Variants in KAZN observed in about 807,000 individuals in gnomAD.
KAZN encodes the protein kazrin.
Under a neutral mutation model 87.4 loss-of-function variants are expected in KAZN, and 40 were observed. The observed-to-expected ratio is 0.46, with a 90% CI of 0.36 to 0.60. KAZN has a LOEUF of 0.60. Among genes scored for constraint, KAZN ranks in the 20% least tolerant of loss-of-function variants. KAZN has a pLI of 0.00. For synonymous variants in KAZN, 466 were observed against 458.3 expected (o/e 1.02, Z -0.22); for missense variants, 898 against 1,073.9 (o/e 0.84, Z 2.29).
At position 14,207,276 on chromosome 1, in the gene KAZN, C is replaced by CT. The variant is rs544800861; in HGVS notation, c.249+26690dup. On this transcript the variant is annotated intron_variant, in intron 2 of 16. Transcript: ENST00000636203. Reference sequence around the variant, plus strand: ...ACCATGCCTGGCCCATTTTTACATCCTTTTTTACCATAAATTGCTCGGGTG... The same window carrying CT: ...ACCATGCCTGGCCCATTTTTACATCCTTTTTTTACCATAAATTGCTCGGGTG... Among the ~76,000 whole-genome samples, 164 of 152,110 alleles carry CT rather than the reference C, an allele frequency of 1.1e-3. 1 individual carries two copies. Among genetic ancestry groups the CT allele is most frequent in the South Asian group, 7.5e-3 (36 of 4,814 alleles).
intron 2 of KAZN, among the ~76,000 whole-genome samples, chr1:14,964,820 A>G (rs1481065692): frequency 6.6e-6 from 1 of 152,154 alleles, no homozygotes; most frequent in Non-Finnish European, 1.5e-5. Flanking sequence ...AGCATGTGAG[A>G]GGAACAGGAA....
At chr1:15,064,855 C>G (rs764427373) in intron 7 of KAZN, among the ~76,000 whole-genome samples, 10 of 152,176 alleles carry the variant, frequency 6.6e-5, no homozygotes, top group Non-Finnish European at 1.2e-4. Context: ...GTGGACATGA[C>G]CACAGGCAGT....
intron 1 of KAZN, among the ~76,000 whole-genome samples, chr1:14,092,356 G>A (rs1644018019): frequency 6.6e-6 from 1 of 150,766 alleles, no homozygotes; most frequent in Admixed American, 6.6e-5. Context: ...CTCCCAAAGT[G>A]CTGGGATTAT....
rs1221190791 is a variant in KAZN at position 15,077,912 on chromosome 1, A to G, written c.1222+12159A>G. Reference sequence around the variant, plus strand: ...TTACTAAGTGCCTACTGTGCCAGGCATGGGGTAGGCATTTGATGTACACTC... The same window carrying G: ...TTACTAAGTGCCTACTGTGCCAGGCGTGGGGTAGGCATTTGATGTACACTC... On this transcript the variant is annotated intron_variant, in intron 8 of 14. Transcript: ENST00000376030. The surrounding 1 kb of genome is among the most constrained non-coding windows in gnomAD (Gnocchi z 4.8). Among the ~76,000 whole-genome samples the G allele has an allele frequency of 6.6e-6, 1 of 152,200 alleles. No homozygotes were observed. Among genetic ancestry groups the G allele is most frequent in the Non-Finnish European group, 1.5e-5 (1 of 68,040 alleles).
At chr1:14,941,110 G>A (rs917328808) in intron 1 of KAZN, among the ~76,000 whole-genome samples, 1 of 151,862 alleles carries the variant, frequency 6.6e-6, no homozygotes, top group African/African-American at 2.4e-5. Flanking sequence ...TGGAGATGGG[G>A]TTTCACTATA....
chr1:14,556,888 G>T (rs1196238934), intron 2 of KAZN, among the ~76,000 whole-genome samples: 1 of 152,306 alleles, frequency 6.6e-6, no homozygotes, highest in South Asian at 2.1e-4. Flanking sequence ...CCCTTGCATG[G>T]CTGATCTGGC....
chr1:14,417,787 G>A (rs1430700677), intron 2 of KAZN, among the ~76,000 whole-genome samples: 7 of 151,776 alleles, frequency 4.6e-5, no homozygotes, highest in Admixed American at 3.3e-4. Context: ...CCGAGGTCAG[G>A]AGATCAAGAC....
chr1:14,475,145 G>A (rs748663350), intron 2 of KAZN, among the ~76,000 whole-genome samples: 1 of 151,854 alleles, frequency 6.6e-6, no homozygotes, highest in Non-Finnish European at 1.5e-5. Context: ...ATTGATGGAT[G>A]GATGGATGGA....
At chr1:14,113,288 G>A (rs1047926354) in intron 1 of KAZN, among the ~76,000 whole-genome samples, 13 of 152,206 alleles carry the variant, frequency 8.5e-5, no homozygotes, top group Admixed American at 7.9e-4. Context: ...AGAGAACAGA[G>A]ATGTTCAGTG....
chr1:15,036,111 G>A (rs1046700290), intron 3 of KAZN, among the ~76,000 whole-genome samples: 9 of 151,922 alleles, frequency 5.9e-5, no homozygotes, highest in Admixed American at 2.0e-4. Flanking sequence ...AAGGAGCCTC[G>A]AGAGTTCTCT....
chr1:14,684,170 T>A (rs1160918608), intron 1 of KAZN, among the ~76,000 whole-genome samples: 1 of 152,144 alleles, frequency 6.6e-6, no homozygotes, highest in Non-Finnish European at 1.5e-5. Flanking sequence ...TGCTTGCTTT[T>A]TTGTTGAGCC....
chr1:14,269,530 G>C (rs1199367180), intron 2 of KAZN, among the ~76,000 whole-genome samples: 1 of 152,176 alleles, frequency 6.6e-6, no homozygotes, highest in African/African-American at 2.4e-5. Context: ...GAGAAGATTA[G>C]GCTGGGAAAA....
chr1:14,891,004 C>T (rs182143522), intron 1 of KAZN, among the ~76,000 whole-genome samples: 7 of 151,756 alleles, frequency 4.6e-5, no homozygotes, highest in South Asian at 2.1e-4. Flanking sequence ...TCACCACGCC[C>T]GGCTAACTTT....
intron 2 of KAZN, among the ~76,000 whole-genome samples, chr1:14,567,865 T>A (rs1229907155): frequency 6.6e-6 from 1 of 152,162 alleles, no homozygotes; most frequent in African/African-American, 2.4e-5. Context: ...CCCATTTTAC[T>A]TAATATCCTG....
At chr1:15,103,317 T>A in intron 11 of KAZN, 42 bp from the exon 12 acceptor site, 12 of 1,466,968 alleles carry the variant, frequency 8.2e-6, no homozygotes, top group Non-Finnish European at 1.1e-5. Flanking sequence ...GGCCTCTGCG[T>A]GTCCCCTTGT....
intron 1 of KAZN, among the ~76,000 whole-genome samples, chr1:13,980,568 A>C (rs895952278): frequency 6.6e-6 from 1 of 152,244 alleles, no homozygotes; most frequent in Non-Finnish European, 1.5e-5. Flanking sequence ...CAGTAGGAAC[A>C]TATAGCAAAT....
intron 2 of KAZN, among the ~76,000 whole-genome samples, chr1:14,217,414 TA>T (rs889722341): frequency 2.9e-4 from 43 of 146,430 alleles, no homozygotes; most frequent in Middle Eastern, 3.6e-3. Flanking sequence ...TCTAACAAGC[TA>T]AAAAAAAAAC....
At chr1:13,950,481 C>G (rs763015531) in intron 1 of KAZN, among the ~76,000 whole-genome samples, 6 of 152,214 alleles carry the variant, frequency 3.9e-5, no homozygotes, top group Non-Finnish European at 7.3e-5. Flanking sequence ...AGTTCATGTT[C>G]AAAATATTTT....
At chr1:14,052,160 C>A (rs1321374789) in intron 1 of KAZN, among the ~76,000 whole-genome samples, 1 of 152,204 alleles carries the variant, frequency 6.6e-6, no homozygotes, top group Non-Finnish European at 1.5e-5. Flanking sequence ...CTTGTACCTG[C>A]TCTCCCAGGG....
Sources: allele counts gnomAD v4.1 joint callset (sites outside exome capture counted in the v4.1 genomes callset), GRCh38; gene constraint gnomAD v4.1.1; non-coding constraint Gnocchi (gnomAD v3.1); transcripts MANE v1.5; gene names NCBI Gene and HGNC (gene_info 2026-07-23, HGNC 2026-07-21).